C3orf49: variants seen among roughly 807,000 people sequenced by gnomAD.
C3orf49 encodes the protein chromosome 3 open reading frame 49, also known as putative uncharacterized protein C3orf49.
In C3orf49, 27 loss-of-function variants were observed where a neutral mutation model predicts 13.3. The ratio of observed to expected loss-of-function variants is 2.02; its 90% CI spans 1.49 to 2.79. C3orf49 has a LOEUF of 2.79. Among genes scored for constraint, C3orf49 ranks in the 30% most tolerant of loss-of-function variants. The pLI, the probability that C3orf49 is intolerant of heterozygous loss-of-function variation, is 0.00. For synonymous variants in C3orf49, 87 were observed against 47.6 expected (o/e 1.83, Z -3.40); for missense variants, 242 against 134.2 (o/e 1.80, Z -3.97).
intron 5 of C3orf49, chr3:63,838,013 T>C: frequency 6.2e-7 from 1 of 1,609,822 alleles, no homozygotes; most frequent in Non-Finnish European, 8.5e-7. Flanking sequence ...CTTGAAGAAT[T>C]TGCTTTTTGC....
the C3orf49 span, among the ~76,000 whole-genome samples, chr3:63,803,755 T>A: frequency 6.6e-6 from 1 of 152,218 alleles, no homozygotes; most frequent in African/African-American, 2.4e-5. Flanking sequence ...ACTGGTTTCA[T>A]GGAAGACAAT....
In C3orf49 at chr3:63,823,486, C is replaced by T. The variant is rs995228645; in HGVS notation, c.362C>T (p.Thr121Met). The T allele has an allele frequency of 1.8e-5, 13 of 702,956 alleles. No individual in the cohort carries two copies. Among genetic ancestry groups the T allele is most frequent in the East Asian group, 1.3e-4 (5 of 37,300 alleles). 43.5% of individuals were successfully genotyped at this position (702,956 alleles called of 1,614,324 possible). A position where few individuals can be genotyped will look rare whatever the true frequency, so the allele number is the denominator to read the frequency against. Residue 121 changes from threonine to methionine, a missense_variant, in exon 2 of 7, where the codon ACG (threonine) becomes ATG (methionine). By Grantham distance (81) the Thr-to-Met change is moderately conservative. Coordinates refer to ENST00000295896, the MANE Select transcript of C3orf49 (RefSeq NM_001355236.2). ...TDHKEALLSN[T>M]QSLLPRIVKE... Reference sequence around the variant, plus strand: ...CATAAAGAAGCCCTCCTGTCAAACACGCAGAGCCTTCTCCCTAGGATTGTC... The same window carrying T: ...CATAAAGAAGCCCTCCTGTCAAACATGCAGAGCCTTCTCCCTAGGATTGTC...
intron 1 of C3orf49, among the ~76,000 whole-genome samples, chr3:63,822,427 G>A (rs942957354): frequency 2.0e-5 from 3 of 152,164 alleles, no homozygotes; most frequent in African/African-American, 7.2e-5. Flanking sequence ...GGTAATAATT[G>A]TATCACCGTA....
chr3:63,781,422 G>T, the C3orf49 span, among the ~76,000 whole-genome samples: 2 of 152,132 alleles, frequency 1.3e-5, no homozygotes, highest in African/African-American at 4.8e-5. Context: ...GTCAGGTAAC[G>T]TGATGCCTCC....
chr3:63,839,528 G>A (rs536838633), intron 5 of C3orf49: 1 of 791,614 alleles, frequency 1.3e-6, no homozygotes, highest in East Asian at 2.5e-5. Flanking sequence ...TCTACTCTTG[G>A]TTAATTAAGA....
chr3:63,783,154 A>G, the C3orf49 span: 1 of 152,220 alleles, frequency 6.6e-6, no homozygotes, highest in East Asian at 1.9e-4. Context: ...CCCATCCCAG[A>G]AAACTCCTCT....
At chr3:63,825,002 G>A (rs1198405921) in intron 2 of C3orf49, among the ~76,000 whole-genome samples, 3 of 151,852 alleles carry the variant, frequency 2.0e-5, no homozygotes, top group Non-Finnish European at 2.9e-5. Context: ...ATTTACAATC[G>A]ATGAACCAAT....
chr3:63,842,483 T>C (rs994502360), intron 5 of C3orf49, among the ~76,000 whole-genome samples: 1 of 151,992 alleles, frequency 6.6e-6, no homozygotes, highest in Non-Finnish European at 1.5e-5. Context: ...ATAAAGAAAA[T>C]GTGGTATCTA....
intron 5 of C3orf49, chr3:63,835,146 C>A (rs766092525): frequency 6.2e-7 from 1 of 1,612,760 alleles, no homozygotes; most frequent in Non-Finnish European, 8.5e-7. Flanking sequence ...GAGACTATTT[C>A]TACTTACTTT....
At chr3:63,795,130 C>T in the C3orf49 span, among the ~76,000 whole-genome samples, 1 of 152,130 alleles carries the variant, frequency 6.6e-6, no homozygotes, top group African/African-American at 2.4e-5. Context: ...TCACCCCAGC[C>T]TCTGATTGGT....
At chr3:63,838,111 C>G in intron 5 of C3orf49, 1 of 1,481,106 alleles carries the variant, frequency 6.8e-7, no homozygotes, top group Middle Eastern at 1.8e-4. Flanking sequence ...ATCAATAATC[C>G]ATTTTTAATT....
At chr3:63,827,402 C>T (rs1287046108) in intron 2 of C3orf49, 199 bp from the exon 3 acceptor site, 2 of 478,320 alleles carry the variant, frequency 4.2e-6, no homozygotes, top group Non-Finnish European at 7.4e-6. Flanking sequence ...GAGGTCATGA[C>T]CATAACAAAA....
the C3orf49 span, among the ~76,000 whole-genome samples, chr3:63,809,722 CAG>C: frequency 6.6e-6 from 1 of 152,222 alleles, no homozygotes; most frequent in East Asian, 1.9e-4. Flanking sequence ...GTCTGTGCCA[CAG>C]AGACTTTGCT....
At chr3:63,783,659 A>C in the C3orf49 span, among the ~76,000 whole-genome samples, 2 of 151,820 alleles carry the variant, frequency 1.3e-5, no homozygotes, top group Non-Finnish European at 2.9e-5. Flanking sequence ...TTGAGCTTGC[A>C]GTAGGCCGAG....
the C3orf49 span, among the ~76,000 whole-genome samples, chr3:63,788,138 A>T: frequency 6.6e-6 from 1 of 152,166 alleles, no homozygotes; most frequent in Non-Finnish European, 1.5e-5. Context: ...AAATAACAAC[A>T]GTGATAGCTA....
chr3:63,812,309 A>G, the C3orf49 span, among the ~76,000 whole-genome samples: 2 of 152,164 alleles, frequency 1.3e-5, no homozygotes, highest in Non-Finnish European at 2.9e-5. Context: ...TCACAAAAAA[A>G]TCTCATAATG....
At chr3:63,844,729 C>T (rs190870678) in intron 5 of C3orf49, among the ~76,000 whole-genome samples, 3 of 152,294 alleles carry the variant, frequency 2.0e-5, no homozygotes, top group Admixed American at 6.5e-5. Context: ...CATGTGATAC[C>T]TTTTGCCATG....
intron 5 of C3orf49, among the ~76,000 whole-genome samples, chr3:63,843,696 C>T (rs1238793681): frequency 1.3e-5 from 2 of 151,972 alleles, no homozygotes; most frequent in Non-Finnish European, 2.9e-5. Flanking sequence ...GTCAGGAGAT[C>T]GAGACCATCC....
chr3:63,789,021 G>A, the C3orf49 span, among the ~76,000 whole-genome samples: 3 of 152,036 alleles, frequency 2.0e-5, no homozygotes, highest in African/African-American at 7.2e-5. Context: ...TTACAACAGG[G>A]GTTCCCCAAC....
Sources: gnomAD v4.1 joint callset for allele counts (sites outside exome capture counted in the v4.1 genomes callset) on GRCh38, gnomAD v4.1.1 for gene constraint, MANE v1.5 for transcripts, NCBI Gene and HGNC (gene_info 2026-07-23, HGNC 2026-07-21) for gene names.